The following TBC1D22B variants were observed in gnomAD, a reference collection of about 807,000 sequenced individuals.
TBC1D22B encodes the protein TBC1 domain family member 22B, also known as chromosome 6 open reading frame 197.
In TBC1D22B, 32 loss-of-function variants were observed where a neutral mutation model predicts 69.1. The ratio of observed to expected loss-of-function variants is 0.46; its 90% CI spans 0.35 to 0.62. The LOEUF is 0.62. TBC1D22B is among the 20% of genes least tolerant of loss of function. TBC1D22B has a pLI of 0.00. For synonymous variants in TBC1D22B, 206 were observed against 229.8 expected, an observed-to-expected ratio of 0.90 and a Z score of 0.94; for missense variants, 462 against 630.9, an observed-to-expected ratio of 0.73 and a Z score of 2.87.
chr6:37,304,733 G>A (rs541263383), intron 8 of TBC1D22B, among the ~76,000 whole-genome samples: 2 of 152,262 alleles, frequency 1.3e-5, no homozygotes, highest in Non-Finnish European at 2.9e-5. Flanking sequence ...CATGTGTCAA[G>A]ACTCATAGAA....
chr6:37,330,388 G>A (rs1266360198), intron 12 of TBC1D22B, among the ~76,000 whole-genome samples: 1 of 151,892 alleles, frequency 6.6e-6, no homozygotes, highest in Non-Finnish European at 1.5e-5. Flanking sequence ...ACAGGCGTGT[G>A]CTACCTTGCC....
At chr6:37,330,222 C>CTTTTTT (rs67372032) in intron 12 of TBC1D22B, among the ~76,000 whole-genome samples, 815 of 75,554 alleles carry the variant, frequency 0.011, 46 homozygotes, top group Non-Finnish European at 0.014. Context: ...TTGTCCGTTT[C>CTTTTTT]TTTTTTTTTT....
At chr6:37,327,149 C>T (rs1005791753) in intron 12 of TBC1D22B, among the ~76,000 whole-genome samples, 1 of 151,626 alleles carries the variant, frequency 6.6e-6, no homozygotes, top group Admixed American at 6.6e-5. Flanking sequence ...GGGGTGGGGG[C>T]ATGTAGTATG....
At chr6:37,294,758 A>G (rs1581602835) in intron 8 of TBC1D22B, among the ~76,000 whole-genome samples, 1 of 152,184 alleles carries the variant, frequency 6.6e-6, no homozygotes, top group East Asian at 1.9e-4. Flanking sequence ...ACAAAAAAAG[A>G]TTTCTTTTAA....
At chr6:37,264,461 T>C (rs1766208494) in intron 1 of TBC1D22B, among the ~76,000 whole-genome samples, 1 of 152,144 alleles carries the variant, frequency 6.6e-6, no homozygotes. Context: ...TACAGATGTG[T>C]GCCACCAAGC....
In TBC1D22B at chr6:37,316,774, C is replaced by A. The variant is rs144137553; in HGVS notation, c.1237C>A (p.Leu413Met). The stretch of plus-strand genomic sequence containing the variant: ...GTTTGCCTTCCGCTGGATGAACAAC[C>A]TGCTTATGCGGGAGCTTCCTCTTCG... ...LQFAFRWMNN[L>M]LMRELPLRCT... is the part of the protein sequence containing the mutation. Residue 413 changes from leucine (L) to methionine (M), a missense_variant, in exon 11 of 13, where the codon CTG becomes ATG. Physicochemically the swap from Leu to Met is conservative, Grantham distance 15 (BLOSUM62 2). Coordinates refer to ENST00000373491, the MANE Select transcript of TBC1D22B (RefSeq NM_017772.4). 6.6e-4 allele frequency: 1,060 copies of A among 1,614,122 alleles called. No individual in the cohort carries two copies. The highest frequency in any genetic ancestry group is 8.8e-4 in the Non-Finnish European group (1,040 of 1,180,052).
At chr6:37,312,662 T>C (rs1299843806) in intron 8 of TBC1D22B, among the ~76,000 whole-genome samples, 1 of 152,214 alleles carries the variant, frequency 6.6e-6, no homozygotes, top group Non-Finnish European at 1.5e-5. Flanking sequence ...GAGAAAGATA[T>C]GTTGGACCTG....
chr6:37,305,540 CGG>C (rs1172920209), intron 8 of TBC1D22B, among the ~76,000 whole-genome samples: 1 of 130,056 alleles, frequency 7.7e-6, no homozygotes, highest in Non-Finnish European at 1.6e-5. Flanking sequence ...TTTTTTGAGA[CGG>C]AGTGTTGCTC....
intron 2 of TBC1D22B, among the ~76,000 whole-genome samples, chr6:37,269,982 G>A (rs1766431369): frequency 6.6e-6 from 1 of 152,180 alleles, no homozygotes; most frequent in South Asian, 2.1e-4. Context: ...AGATCTTTTA[G>A]CAGGAGATCT....
intron 1 of TBC1D22B, among the ~76,000 whole-genome samples, chr6:37,267,433 A>G (rs1478692147): frequency 1.4e-5 from 2 of 144,398 alleles, no homozygotes; most frequent in Non-Finnish European, 3.0e-5. Flanking sequence ...TATAATATAT[A>G]TACACACATA....
chr6:37,307,388 C>T lies in TBC1D22B; in HGVS notation c.983-5530C>T, dbSNP rs144946327. The stretch of plus-strand genomic sequence containing the variant: ...TTTTTTTTGAGACAGAGTCTTCTCG[C>T]TCTGTCGCCCAGGCTGGAGTGCAGT... On this transcript the variant is annotated intron_variant, in intron 8 of 12. Transcript: ENST00000373491. 7.7e-3 allele frequency among the ~76,000 whole-genome samples: 1,144 copies of T among 148,552 alleles called. 10 individuals carry two copies. Among genetic ancestry groups the T allele is most frequent in the African/African-American group, 0.026 (1,058 of 40,188 alleles).
At chr6:37,292,257 G>A (rs1467181164) in intron 8 of TBC1D22B, among the ~76,000 whole-genome samples, 2 of 151,990 alleles carry the variant, frequency 1.3e-5, no homozygotes, top group African/African-American at 4.8e-5. Flanking sequence ...GGTTTTTGGA[G>A]GAAGCCATTT....
chr6:37,275,237 C>T (rs539980167), intron 2 of TBC1D22B, among the ~76,000 whole-genome samples: 2 of 152,272 alleles, frequency 1.3e-5, no homozygotes, highest in South Asian at 2.1e-4. Context: ...AAAGGGGTGA[C>T]ATTTCTCTTA....
At chr6:37,291,458 C>A in intron 8 of TBC1D22B, 101 bp downstream of exon 8, 1 of 835,732 alleles carries the variant, frequency 1.2e-6, no homozygotes, top group Non-Finnish European at 1.8e-6. Flanking sequence ...GTATGTCTTG[C>A]TAGAAAATAG....
intron 1 of TBC1D22B, among the ~76,000 whole-genome samples, chr6:37,259,417 C>T (rs555593474): frequency 9.9e-5 from 15 of 152,046 alleles, no homozygotes; most frequent in East Asian, 1.9e-4. Context: ...TGGGGTTTTC[C>T]GTAGTGAGAT....
intron 1 of TBC1D22B, among the ~76,000 whole-genome samples, chr6:37,263,425 T>A (rs758717054): frequency 6.6e-6 from 1 of 152,244 alleles, no homozygotes; most frequent in African/African-American, 2.4e-5. Flanking sequence ...TAAAAAATAC[T>A]GTGTGTTGTT....
At chr6:37,300,881 TG>T (rs1400869597) in intron 8 of TBC1D22B, among the ~76,000 whole-genome samples, 2 of 152,340 alleles carry the variant, frequency 1.3e-5, no homozygotes, top group East Asian at 1.9e-4. Flanking sequence ...TCGTAAGCTG[TG>T]GGCACATGGT....
intron 9 of TBC1D22B, 142 bp downstream of exon 9, chr6:37,313,166 A>G (rs1213194547): frequency 2.9e-6 from 2 of 699,856 alleles, no homozygotes; most frequent in Admixed American, 2.0e-5. Context: ...ATCCATCTCT[A>G]TCCTTCTTCA....
At chr6:37,311,256 T>G (rs1160118834) in intron 8 of TBC1D22B, among the ~76,000 whole-genome samples, 1 of 148,564 alleles carries the variant, frequency 6.7e-6, no homozygotes, top group African/African-American at 2.5e-5. Flanking sequence ...CAAGAGGGGT[T>G]TTTTTTTTTT....
Sources: allele counts gnomAD v4.1 joint callset (sites outside exome capture counted in the v4.1 genomes callset), GRCh38; gene constraint gnomAD v4.1.1; transcripts MANE v1.5; gene names NCBI Gene and HGNC (gene_info 2026-07-23, HGNC 2026-07-21).